The following GAB2 variants were observed in gnomAD, a reference collection of about 807,000 sequenced individuals.
GAB2 encodes the protein GRB2-associated-binding protein 2.
Under a neutral mutation model 65.5 loss-of-function variants are expected in GAB2, and 26 were observed. That is an observed-to-expected ratio of 0.40 (90% CI 0.29 to 0.55). GAB2 has a LOEUF of 0.55. Among genes scored for constraint, GAB2 ranks in the 20% least tolerant of loss-of-function variants. The pLI, the probability that GAB2 is intolerant of heterozygous loss-of-function variation, is 0.53. For missense variants in GAB2, 884 were observed against 875.8 expected, an observed-to-expected ratio of 1.01 and a Z score of -0.12; for synonymous variants, 321 against 329.6, an observed-to-expected ratio of 0.97 and a Z score of 0.28.
intron 1 of GAB2, among the ~76,000 whole-genome samples, chr11:78,351,825 A>G (rs1294325694): frequency 6.6e-6 from 1 of 152,186 alleles, no homozygotes; most frequent in African/African-American, 2.4e-5. Flanking sequence ...AGAGAAAAGA[A>G]TAATGGGAGT....
At chr11:78,230,911 G>A (rs957537105) in intron 3 of GAB2, among the ~76,000 whole-genome samples, 12 of 152,332 alleles carry the variant, frequency 7.9e-5, no homozygotes, top group Non-Finnish European at 1.6e-4. Flanking sequence ...TGAGGCCTGT[G>A]TCACTGTGAT....
chr11:78,390,911 C>T (rs1856826305), intron 1 of GAB2, among the ~76,000 whole-genome samples: 1 of 152,128 alleles, frequency 6.6e-6, no homozygotes, highest in Admixed American at 6.5e-5. Context: ...ATCTGGAGAT[C>T]AATAACGCAG....
At chr11:78,318,386 A>AAAAAAAAAAAAAAAT (rs1855657644) in intron 1 of GAB2, among the ~76,000 whole-genome samples, 2 of 146,698 alleles carry the variant, frequency 1.4e-5, no homozygotes, top group African/African-American at 5.0e-5. Context: ...AAAAAAAAAA[A>AAAAAAAAAAAAAAAT]GCTGTGAAAA....
At chr11:78,345,216 T>C (rs1352296413) in intron 1 of GAB2, among the ~76,000 whole-genome samples, 2 of 151,960 alleles carry the variant, frequency 1.3e-5, no homozygotes, top group Non-Finnish European at 2.9e-5. Flanking sequence ...GAGGCAGAGG[T>C]TGCAGTGAGT....
chr11:78,267,751 G>A (rs1166418401), intron 2 of GAB2, among the ~76,000 whole-genome samples: 3 of 151,244 alleles, frequency 2.0e-5, no homozygotes, highest in Admixed American at 6.6e-5. Flanking sequence ...CCAGCTACTC[G>A]GGAGGCTGAG....
intron 1 of GAB2, among the ~76,000 whole-genome samples, chr11:78,399,849 TAAG>T (rs1449231079): frequency 1.3e-5 from 2 of 152,308 alleles, no homozygotes; most frequent in African/African-American, 4.8e-5. Context: ...CCCAGTGAAA[TAAG>T]AAGCATTAGT....
intron 3 of GAB2, among the ~76,000 whole-genome samples, chr11:78,238,711 TA>T (rs1295626603): frequency 1.3e-5 from 2 of 152,182 alleles, no homozygotes; most frequent in African/African-American, 4.8e-5. Flanking sequence ...AAAAGCTTCA[TA>T]ACATTGGATT....
At chr11:78,361,902 G>A (rs1335805693) in intron 1 of GAB2, among the ~76,000 whole-genome samples, 2 of 152,128 alleles carry the variant, frequency 1.3e-5, no homozygotes, top group African/African-American at 4.8e-5. Flanking sequence ...AATGACATAT[G>A]TGCATTTTGG....
chr11:78,389,027 G>A (rs144642548), intron 1 of GAB2, among the ~76,000 whole-genome samples: 6 of 152,298 alleles, frequency 3.9e-5, no homozygotes, highest in African/African-American at 1.2e-4. Context: ...GATATTTAAT[G>A]AGTACATATT....
rs549005210 is a variant in GAB2, at chr11:78,217,595, T to C, written c.*1677A>G. ...CCAGGGTAGAATGAAACGTCTGGTC[T>C]GTCCTGTTGCTTCTGAAACTCTTGA... On this transcript the variant is annotated 3_prime_UTR_variant, in exon 10 of 10. Transcript: ENST00000361507. 3 of 152,358 alleles carry C rather than the reference T, an allele frequency of 2.0e-5. No individual in the cohort carries two copies. Among genetic ancestry groups the C allele is most frequent in the Admixed American group, 6.5e-5 (1 of 15,306 alleles). The allele number at this position is 152,358 out of a possible 1,614,324, so 9.4% of individuals were successfully genotyped here.
At chr11:78,350,794 A>G (rs1856265461) in intron 1 of GAB2, among the ~76,000 whole-genome samples, 1 of 152,224 alleles carries the variant, frequency 6.6e-6, no homozygotes, top group Admixed American at 6.5e-5. Flanking sequence ...AATTCACCAC[A>G]GGAACATGTG....
chr11:78,417,456 C>A (rs944012851), intron 1 of GAB2, among the ~76,000 whole-genome samples, 190 bp downstream of exon 1: 3 of 151,646 alleles, frequency 2.0e-5, no homozygotes, highest in African/African-American at 7.3e-5. Flanking sequence ...TGCCGCCCGC[C>A]CCGCCCCTCG....
intron 1 of GAB2, among the ~76,000 whole-genome samples, chr11:78,349,480 G>A (rs145958848): frequency 8.3e-4 from 127 of 152,276 alleles, no homozygotes; most frequent in African/African-American, 2.7e-3. Flanking sequence ...AAGTCACCCC[G>A]ATGGTAAATG....
chr11:78,406,170 T>G (rs960475520), intron 1 of GAB2, among the ~76,000 whole-genome samples: 8 of 152,192 alleles, frequency 5.3e-5, no homozygotes, highest in African/African-American at 1.9e-4. Context: ...AGTTGGAACC[T>G]TAAACCATTC....
At chr11:78,293,535 A>G (rs1024174088) in intron 1 of GAB2, among the ~76,000 whole-genome samples, 1 of 152,220 alleles carries the variant, frequency 6.6e-6, no homozygotes, top group East Asian at 1.9e-4. Flanking sequence ...AACACAAAAG[A>G]TCACCTAGAA....
intron 1 of GAB2, among the ~76,000 whole-genome samples, chr11:78,370,271 A>G (rs1042396427): frequency 1.3e-4 from 19 of 151,194 alleles, no homozygotes; most frequent in Non-Finnish European, 2.4e-4. Flanking sequence ...AAAAAAAAAA[A>G]AAAGAAAAGA....
intron 3 of GAB2, among the ~76,000 whole-genome samples, chr11:78,240,190 C>G (rs769952096): frequency 2.6e-5 from 4 of 152,142 alleles, no homozygotes; most frequent in Non-Finnish European, 5.9e-5. Flanking sequence ...AAACGGTGCA[C>G]TGACTCCCCA....
intron 1 of GAB2, among the ~76,000 whole-genome samples, chr11:78,386,429 G>C (rs1411614353): frequency 6.6e-6 from 1 of 152,238 alleles, no homozygotes; most frequent in Non-Finnish European, 1.5e-5. Context: ...ATGGAATGAT[G>C]AAGGAGGCAG....
intron 1 of GAB2, chr11:78,318,280 G>C (rs1855652213): frequency 6.7e-6 from 1 of 149,384 alleles, no homozygotes; most frequent in Non-Finnish European, 1.5e-5. Flanking sequence ...ACCTTACAGA[G>C]TGCATGCACT....
Sources: gnomAD v4.1 joint callset for allele counts (sites outside exome capture counted in the v4.1 genomes callset) on GRCh38, gnomAD v4.1.1 for gene constraint, MANE v1.5 for transcripts, NCBI Gene and HGNC (gene_info 2026-07-23, HGNC 2026-07-21) for gene names.